The following NOS1AP variants were observed in gnomAD, a reference collection of about 807,000 sequenced individuals.
NOS1AP encodes nitric oxide synthase 1 adaptor protein, also known as carboxyl-terminal PDZ ligand of neuronal nitric oxide synthase protein.
In NOS1AP, 21 loss-of-function variants were observed where a neutral mutation model predicts 56.2. The observed-to-expected ratio is 0.37, with a 90% CI of 0.26 to 0.54. NOS1AP has a LOEUF of 0.54. NOS1AP is among the 20% of genes least tolerant of loss of function. The pLI, the probability that NOS1AP is intolerant of heterozygous loss-of-function variation, is 0.84. For synonymous variants in NOS1AP, 270 were observed against 274.6 expected (o/e 0.98, Z 0.17); for missense variants, 522 against 657.8 (o/e 0.79, Z 2.26).
chr1:162,073,506 G>A (rs1398738012), intron 1 of NOS1AP, among the ~76,000 whole-genome samples: 1 of 152,086 alleles, frequency 6.6e-6, no homozygotes, highest in Non-Finnish European at 1.5e-5. Context: ...TGTTGCCCAG[G>A]CTGGAGTGCA....
intron 2 of NOS1AP, among the ~76,000 whole-genome samples, chr1:162,158,699 C>T (rs546092186): frequency 4.6e-4 from 70 of 152,150 alleles, no homozygotes; most frequent in African/African-American, 1.7e-3. Flanking sequence ...TGGTACTTTC[C>T]CCCTCTCTGT....
intron 2 of NOS1AP, among the ~76,000 whole-genome samples, chr1:162,221,550 A>G (rs886326647): frequency 1.3e-5 from 2 of 151,002 alleles, no homozygotes; most frequent in Non-Finnish European, 3.0e-5. Context: ...ACACACACAC[A>G]CACACACACA....
chr1:162,332,778 G>A lies in NOS1AP; in HGVS notation c.345-239G>A, dbSNP rs182583505. 2.7e-3 allele frequency among the ~76,000 whole-genome samples: 405 copies of A among 152,196 alleles called. 1 individual carries two copies. The highest frequency in any genetic ancestry group is 0.011 in the Admixed American group (170 of 15,276). ...TCAGGAGATGGTTAACAATAGTGTC[G>A]GTTCCATGTCCTACCCCTGCCCCCT... On this transcript the variant is annotated intron_variant, in intron 4 of 9. Coordinates refer to ENST00000361897, the MANE Select transcript of NOS1AP (RefSeq NM_014697.3).
At chr1:162,209,549 G>T (rs1652274556) in intron 2 of NOS1AP, among the ~76,000 whole-genome samples, 1 of 152,052 alleles carries the variant, frequency 6.6e-6, no homozygotes, top group Admixed American at 6.5e-5. Flanking sequence ...TTGTGCCTGG[G>T]TTTCATCTGT....
chr1:162,325,837 A>T (rs1437861617), intron 4 of NOS1AP, among the ~76,000 whole-genome samples: 1 of 151,866 alleles, frequency 6.6e-6, no homozygotes, highest in Non-Finnish European at 1.5e-5. Flanking sequence ...TTTTGGGGTT[A>T]GGAATGCCCA....
chr1:162,310,849 AAT>A (rs1393103195), intron 4 of NOS1AP, among the ~76,000 whole-genome samples: 3 of 151,262 alleles, frequency 2.0e-5, no homozygotes, highest in African/African-American at 7.3e-5. Flanking sequence ...CCTCCCTTAG[AAT>A]ATCTTAGTGT....
rs79382545 is a variant in NOS1AP, at chr1:162,270,796, C to T, written c.178-16548C>T. Among the ~76,000 whole-genome samples, 563 of 152,312 alleles carry T rather than the reference C, an allele frequency of 3.7e-3. 7 individuals are homozygous for T. Among genetic ancestry groups the T allele is most frequent in the African/African-American group, 0.013 (532 of 41,558 alleles). The stretch of plus-strand genomic sequence containing the variant: ...TTTTGTCAAAATATCACATGGAACT[C>T]CAACTTATTAAACCTGAGGACTGTA... On this transcript the variant is annotated intron_variant, in intron 2 of 9. Coordinates refer to ENST00000361897, the MANE Select transcript of NOS1AP (RefSeq NM_014697.3).
intron 2 of NOS1AP, among the ~76,000 whole-genome samples, chr1:162,168,458 T>C (rs192408747): frequency 6.6e-6 from 1 of 152,212 alleles, no homozygotes; most frequent in African/African-American, 2.4e-5. Flanking sequence ...CAGCCAGGCT[T>C]TGTGACATCA....
At chr1:162,321,067 T>C (rs537724454) in intron 4 of NOS1AP, among the ~76,000 whole-genome samples, 1 of 152,156 alleles carries the variant, frequency 6.6e-6, no homozygotes, top group East Asian at 1.9e-4. Context: ...GTTTTGGGTC[T>C]AACATTTAAG....
rs115459637 is a variant in NOS1AP, at chr1:162,121,653, T to A, written c.106-32752T>A. On this transcript the variant is annotated intron_variant, in intron 1 of 9. Transcript: ENST00000361897. ...GACTGTGTAAGTGCTTAGCACCATG[T>A]CTGCCATATATGAAGTGCTCAGTAA... Among the ~76,000 whole-genome samples, 445 of 152,316 alleles carry A rather than the reference T, an allele frequency of 2.9e-3. 3 individuals carry two copies. The highest frequency in any genetic ancestry group is 0.01 in the African/African-American group (417 of 41,574).
At chr1:162,353,801 C>T (rs138572348) in intron 6 of NOS1AP, among the ~76,000 whole-genome samples, 9 of 152,300 alleles carry the variant, frequency 5.9e-5, no homozygotes, top group Non-Finnish European at 7.4e-5. Flanking sequence ...ACCCACCTAC[C>T]GACCCTCCAT....
chr1:162,133,990 G>A (rs1291356155), intron 1 of NOS1AP, among the ~76,000 whole-genome samples: 1 of 152,166 alleles, frequency 6.6e-6, no homozygotes, highest in Non-Finnish European at 1.5e-5. Flanking sequence ...GGGGAGGAGA[G>A]AAGGAAGAGA....
At chr1:162,087,750 A>G (rs948118188) in intron 1 of NOS1AP, among the ~76,000 whole-genome samples, 17 of 152,186 alleles carry the variant, frequency 1.1e-4, no homozygotes, top group African/African-American at 4.1e-4. Context: ...TGGTTGACAG[A>G]TCAATTAAAG....
chr1:162,202,355 A>G lies in NOS1AP; in HGVS notation c.177+47879A>G, dbSNP rs542329412. 5.3e-5 allele frequency among the ~76,000 whole-genome samples: 8 copies of G among 152,328 alleles called. No homozygotes were observed. In the East Asian group the frequency reaches 9.6e-4, roughly 18 times the overall value. ...AGCAGCCACTACTAGCATTTGGCAC[A>G]TTATATTTTAGTATTTTTGTATATT... On this transcript the variant is annotated intron_variant, in intron 2 of 9. Transcript: ENST00000361897.
intron 2 of NOS1AP, among the ~76,000 whole-genome samples, chr1:162,282,985 G>A (rs1654979786): frequency 6.6e-6 from 1 of 152,112 alleles, no homozygotes; most frequent in African/African-American, 2.4e-5. Context: ...TGCTTCCTAT[G>A]AAGCAGGTGA....
intron 2 of NOS1AP, among the ~76,000 whole-genome samples, chr1:162,281,891 C>T (rs951923567): frequency 2.6e-5 from 4 of 152,100 alleles, no homozygotes; most frequent in Non-Finnish European, 4.4e-5. Context: ...GAGGCTGGGG[C>T]GGGCAGATCA....
intron 2 of NOS1AP, among the ~76,000 whole-genome samples, chr1:162,193,017 C>A (rs2102157585): frequency 6.6e-6 from 1 of 152,186 alleles, no homozygotes; most frequent in Non-Finnish European, 1.5e-5. Flanking sequence ...CTGACAGCCT[C>A]TGCAGAAAAA....
chr1:162,331,212 T>C (rs927439190), intron 4 of NOS1AP, among the ~76,000 whole-genome samples: 2 of 152,122 alleles, frequency 1.3e-5, no homozygotes, highest in African/African-American at 4.8e-5. Context: ...CAGCCTCTAT[T>C]TCAGAACCAT....
At chr1:162,110,426 G>T (rs945640316) in intron 1 of NOS1AP, among the ~76,000 whole-genome samples, 24 of 152,060 alleles carry the variant, frequency 1.6e-4, no homozygotes, top group Non-Finnish European at 7.3e-5. Flanking sequence ...TTTCAAACAT[G>T]ATTCAAATAC....
Sources: gnomAD v4.1 joint callset for allele counts (sites outside exome capture counted in the v4.1 genomes callset) on GRCh38, gnomAD v4.1.1 for gene constraint, MANE v1.5 for transcripts, NCBI Gene and HGNC (gene_info 2026-07-23, HGNC 2026-07-21) for gene names.